Variants in SKAP1 observed in about 807,000 individuals in gnomAD.
SKAP1 encodes src kinase associated phosphoprotein 1.
In SKAP1, 44 loss-of-function variants were observed where a neutral mutation model predicts 58.5. That is an observed-to-expected ratio of 0.75 (90% CI 0.59 to 0.97). The LOEUF (loss-of-function observed/expected upper bound fraction) is 0.97. Ranked by LOEUF, SKAP1 falls within the 50% of genes least tolerant of loss-of-function variation. The pLI, the probability that SKAP1 is intolerant of heterozygous loss-of-function variation, is 0.00. For synonymous variants in SKAP1, 127 were observed against 149.7 expected, an observed-to-expected ratio of 0.85 and a Z score of 1.11; for missense variants, 390 against 435.2, an observed-to-expected ratio of 0.90 and a Z score of 0.92.
chr17:48,205,013 CTTTTTCTTTCTTTCTTTCTT>C (rs1567819909), intron 4 of SKAP1, among the ~76,000 whole-genome samples: 3 of 75,980 alleles, frequency 3.9e-5, no homozygotes, highest in Non-Finnish European at 6.2e-5. Flanking sequence ...TTCTTTCTTT[CTTTTTCTTTCTTTCTTTCTT>C]TCTTTCTCTC....
At chr17:48,292,532 A>G (rs994575115) in intron 4 of SKAP1, among the ~76,000 whole-genome samples, 3 of 152,234 alleles carry the variant, frequency 2.0e-5, no homozygotes, top group African/African-American at 4.8e-5. Context: ...ATACTACATC[A>G]CAAAATTATA....
At chr17:48,250,715 A>G (rs1337403712) in intron 4 of SKAP1, among the ~76,000 whole-genome samples, 3 of 152,146 alleles carry the variant, frequency 2.0e-5, no homozygotes, top group South Asian at 2.1e-4. Context: ...TATTTTTATA[A>G]TCATCTCTGT....
intron 1 of SKAP1, among the ~76,000 whole-genome samples, chr17:48,406,405 T>G (rs1339609805): frequency 1.3e-5 from 2 of 151,670 alleles, no homozygotes. Context: ...TAGAAATTTT[T>G]TTTTCTTTTT....
At chr17:48,198,835 C>T (rs1342396751) in intron 4 of SKAP1, among the ~76,000 whole-genome samples, 2 of 152,180 alleles carry the variant, frequency 1.3e-5, no homozygotes, top group Admixed American at 1.3e-4. Flanking sequence ...CCTGAAGTAT[C>T]TTTAGCAGCT....
chr17:48,137,581 A>T (rs944603769), intron 11 of SKAP1, among the ~76,000 whole-genome samples: 1 of 152,204 alleles, frequency 6.6e-6, no homozygotes, highest in Non-Finnish European at 1.5e-5. Flanking sequence ...CCCTTGCTGA[A>T]CCTGAAGAGC....
intron 9 of SKAP1, 30 bp downstream of exon 9, chr17:48,180,024 A>G (rs367984972): frequency 1.7e-5 from 26 of 1,542,404 alleles, no homozygotes; most frequent in African/African-American, 5.6e-5. Context: ...TGAAACTAGC[A>G]TAAGATAATC....
At chr17:48,335,753 C>T (rs1284020678) in intron 4 of SKAP1, among the ~76,000 whole-genome samples, 1 of 152,104 alleles carries the variant, frequency 6.6e-6, no homozygotes, top group Non-Finnish European at 1.5e-5. Flanking sequence ...ATTTAACACA[C>T]TCCCTTTATT....
At chr17:48,254,065 T>C (rs1472800196) in intron 4 of SKAP1, among the ~76,000 whole-genome samples, 1 of 152,138 alleles carries the variant, frequency 6.6e-6, no homozygotes, top group Non-Finnish European at 1.5e-5. Flanking sequence ...GGAATTAATA[T>C]CCCTGAGATG....
chr17:48,289,773 GTA>G (rs56776158), intron 4 of SKAP1, among the ~76,000 whole-genome samples: 13 of 151,266 alleles, frequency 8.6e-5, no homozygotes, highest in African/African-American at 9.7e-5. Flanking sequence ...GCACCAATAA[GTA>G]TATATATATA....
chr17:48,255,152 A>G (rs1486224021), intron 4 of SKAP1, among the ~76,000 whole-genome samples: 1 of 152,220 alleles, frequency 6.6e-6, no homozygotes, highest in East Asian at 1.9e-4. Flanking sequence ...GGAAGAGGAA[A>G]AGAGTCTGAA....
chr17:48,265,633 A>G (rs1016378813), intron 4 of SKAP1, among the ~76,000 whole-genome samples: 4 of 152,226 alleles, frequency 2.6e-5, no homozygotes, highest in Non-Finnish European at 5.9e-5. Context: ...ATCAGCACAC[A>G]GTTTTCACAT....
rs1044011448 is a variant in SKAP1, at chr17:48,250,281, T to G, written c.281-60781A>C. Among the ~76,000 whole-genome samples, 222 of 115,468 alleles carry G rather than the reference T, an allele frequency of 1.9e-3. 4 individuals are homozygous for G. Among genetic ancestry groups the G allele is most frequent in the South Asian group, 4.0e-3 (11 of 2,730 alleles). The allele number at this position is 115,468 out of a possible 152,430, so 75.8% of individuals were successfully genotyped here. ...TTTGCTGCCATAGACAGTTTTTTTTTTTTTTTTTTTTTTTTTTTGAGATGG... is the reference window on the plus strand; with the variant it reads ...TTTGCTGCCATAGACAGTTTTTTTTGTTTTTTTTTTTTTTTTTTGAGATGG... On this transcript the variant is annotated intron_variant, in intron 4 of 12. Transcript: ENST00000336915.
intron 4 of SKAP1, among the ~76,000 whole-genome samples, chr17:48,273,526 T>G (rs11655137): frequency 0.092 from 13,851 of 151,338 alleles, 960 homozygotes; most frequent in African/African-American, 0.17. Flanking sequence ...CAAGTGATTC[T>G]CCTGCCTCAG....
Position 48,140,778 on chromosome 17 carries a change from CTT to C in SKAP1, c.979-3443_979-3442del, listed in dbSNP as rs35573297. Among the ~76,000 whole-genome samples the C allele has an allele frequency of 5.0e-3, 689 of 138,036 alleles. 8 individuals carry two copies. The highest frequency in any genetic ancestry group is 0.021 in the Admixed American group (285 of 13,540). The allele number at this position is 138,036 out of a possible 152,430, so 90.6% of individuals were successfully genotyped here. On this transcript the variant is annotated intron_variant, in intron 11 of 12. Transcript: ENST00000336915. Reference sequence around the variant, plus strand: ...CTTCTTCTTTCTTCTTCTTCTTCTTCTTTTTTTTTTTTTTTTAAGATGGAGTC... The same window carrying C: ...CTTCTTCTTTCTTCTTCTTCTTCTTCTTTTTTTTTTTTTTAAGATGGAGTC...
intron 4 of SKAP1, chr17:48,203,776 T>A (rs766436308): frequency 2.0e-5 from 3 of 152,164 alleles, no homozygotes; most frequent in Non-Finnish European, 4.4e-5. Flanking sequence ...AAAAAAGAAC[T>A]AAAGTGTCTT....
intron 11 of SKAP1, among the ~76,000 whole-genome samples, chr17:48,151,721 C>T (rs1391394001): frequency 1.3e-5 from 2 of 152,142 alleles, no homozygotes; most frequent in African/African-American, 4.8e-5. Flanking sequence ...GTTCACAATG[C>T]TCCATGTAAG....
chr17:48,347,866 T>C (rs554001681), intron 3 of SKAP1, among the ~76,000 whole-genome samples: 1 of 152,304 alleles, frequency 6.6e-6, no homozygotes, highest in Non-Finnish European at 1.5e-5. Flanking sequence ...GAAAGTGAGC[T>C]GCAAGGTTAA....
At chr17:48,364,890 A>AT (rs548105435) in intron 2 of SKAP1, among the ~76,000 whole-genome samples, 60 of 150,374 alleles carry the variant, frequency 4.0e-4, no homozygotes, top group South Asian at 3.0e-3. Flanking sequence ...TTATTTATCT[A>AT]TTTTTTTTTC....
intron 2 of SKAP1, among the ~76,000 whole-genome samples, chr17:48,390,545 C>CTA (rs2067332115): frequency 6.6e-6 from 1 of 152,088 alleles, no homozygotes; most frequent in African/African-American, 2.4e-5. Flanking sequence ...CAAGTGATAA[C>CTA]GATGGCTAAA....
Sources: gnomAD v4.1 joint callset for allele counts (sites outside exome capture counted in the v4.1 genomes callset) on GRCh38, gnomAD v4.1.1 for gene constraint, MANE v1.5 for transcripts, NCBI Gene and HGNC (gene_info 2026-07-23, HGNC 2026-07-21) for gene names.